LRMDA: variants seen among roughly 807,000 people sequenced by gnomAD.
The protein encoded by LRMDA is leucine-rich melanocyte differentiation-associated protein.
LRMDA carries 18 observed loss-of-function variants against 29.8 expected under a neutral mutation model. The observed-to-expected ratio is 0.60, with a 90% confidence interval of 0.42 to 0.90. LRMDA has a LOEUF of 0.90. Ranked by LOEUF, LRMDA falls within the 40% of genes least tolerant of loss-of-function variation. LRMDA has a pLI of 0.00. For missense variants in LRMDA, 273 were observed against 273.9 expected, an observed-to-expected ratio of 1.00 and a Z score of 0.02; for synonymous variants, 125 against 109.4, an observed-to-expected ratio of 1.14 and a Z score of -0.89.
At position 75,534,076 on chromosome 10, in the gene LRMDA, C is replaced by T. The variant is rs1408211327; in HGVS notation, c.131+95582C>T. The stretch of plus-strand genomic sequence containing the variant: ...TCTTCCTTCTCTTGGCCATTCCTGG[C>T]ATCAACAGGCTCTCTTCATGCTCTC... On this transcript the variant is annotated intron_variant, in intron 2 of 6. Coordinates refer to ENST00000611255, the MANE Select transcript of LRMDA (RefSeq NM_001305581.2). Among the ~76,000 whole-genome samples, 3 of 152,184 alleles carry T rather than the reference C, an allele frequency of 2.0e-5. 1 individual carries two copies. The highest frequency in any genetic ancestry group is 4.1e-4 in the South Asian group (2 of 4,824).
chr10:76,521,196 C>T (rs192903382), intron 6 of LRMDA, among the ~76,000 whole-genome samples: 2 of 149,620 alleles, frequency 1.3e-5, no homozygotes. Flanking sequence ...TGCCGTGGCG[C>T]GATCTCGGCT....
intron 5 of LRMDA, among the ~76,000 whole-genome samples, chr10:76,247,884 G>C (rs1034599254): frequency 6.6e-6 from 1 of 152,150 alleles, no homozygotes; most frequent in South Asian, 2.1e-4. Context: ...GCAGACAAAA[G>C]TCATCCCAGC....
intron 2 of LRMDA, among the ~76,000 whole-genome samples, chr10:75,672,361 C>T (rs557150393): frequency 2.0e-4 from 30 of 151,712 alleles, no homozygotes; most frequent in African/African-American, 6.0e-4. Context: ...ACAATAATGA[C>T]TCAAATATTA....
intron 2 of LRMDA, among the ~76,000 whole-genome samples, chr10:75,544,658 T>C (rs959249267): frequency 6.6e-6 from 1 of 152,180 alleles, no homozygotes; most frequent in African/African-American, 2.4e-5. Flanking sequence ...GTAATGTTAT[T>C]CTTTTTTTGT....
At chr10:75,646,463 C>T (rs1043359885) in intron 2 of LRMDA, among the ~76,000 whole-genome samples, 4 of 152,170 alleles carry the variant, frequency 2.6e-5, no homozygotes, top group South Asian at 2.1e-4. Flanking sequence ...TCATATGAAA[C>T]GTCAAAATTC....
intron 2 of LRMDA, among the ~76,000 whole-genome samples, chr10:75,938,400 A>G (rs914566756): frequency 6.6e-5 from 10 of 152,292 alleles, no homozygotes; most frequent in African/African-American, 2.4e-4. Flanking sequence ...AAGTTTTTCT[A>G]ATTTAACAGG....
intron 2 of LRMDA, among the ~76,000 whole-genome samples, chr10:75,822,999 C>G (rs974107440): frequency 6.6e-6 from 1 of 152,116 alleles, no homozygotes; most frequent in African/African-American, 2.4e-5. Flanking sequence ...GGATTAAAGA[C>G]CTCAAACTAC....
At chr10:75,564,397 T>G (rs1342728210) in intron 2 of LRMDA, among the ~76,000 whole-genome samples, 1 of 152,216 alleles carries the variant, frequency 6.6e-6, no homozygotes, top group Non-Finnish European at 1.5e-5. Flanking sequence ...AAGCGCAGTA[T>G]TAGGGTGGGA....
chr10:75,593,636 C>T (rs1340522235), intron 2 of LRMDA, among the ~76,000 whole-genome samples: 16 of 152,270 alleles, frequency 1.1e-4, no homozygotes, highest in African/African-American at 3.9e-4. Flanking sequence ...AAAGAATTTG[C>T]ACAGGCTTCA....
intron 5 of LRMDA, among the ~76,000 whole-genome samples, chr10:76,111,978 T>C (rs928252609): frequency 6.6e-6 from 1 of 152,234 alleles, no homozygotes; most frequent in Non-Finnish European, 1.5e-5. Context: ...AAACCCAGTA[T>C]GGCTACATTT....
intron 6 of LRMDA, among the ~76,000 whole-genome samples, chr10:76,498,256 C>T (rs1436151724): frequency 1.3e-5 from 1 of 75,494 alleles, no homozygotes; most frequent in African/African-American, 3.2e-5. Context: ...TCATTACCAG[C>T]ATTAGCAAGC....
intron 6 of LRMDA, among the ~76,000 whole-genome samples, chr10:76,449,158 G>A (rs181361331): frequency 3.0e-4 from 46 of 151,684 alleles, no homozygotes; most frequent in Non-Finnish European, 6.1e-4. Context: ...AGGGTATAAG[G>A]AAATATATGT....
chr10:76,297,117 C>T (rs1298431174), intron 5 of LRMDA, among the ~76,000 whole-genome samples: 1 of 152,198 alleles, frequency 6.6e-6, no homozygotes, highest in Non-Finnish European at 1.5e-5. Flanking sequence ...TACCTTCTGC[C>T]TGTTCTCATG....
At chr10:76,452,796 A>ACTTGTATATT (rs1842419408) in intron 6 of LRMDA, among the ~76,000 whole-genome samples, 1 of 152,244 alleles carries the variant, frequency 6.6e-6, no homozygotes, top group South Asian at 2.1e-4. Flanking sequence ...TCACTCATAC[A>ACTTGTATATT]CTTGTATATT....
chr10:76,406,497 A>G (rs1034253012), intron 6 of LRMDA, among the ~76,000 whole-genome samples: 1 of 152,218 alleles, frequency 6.6e-6, no homozygotes. Flanking sequence ...TTGAGCCTCT[A>G]TGTTCTAAAG....
chr10:75,764,183 G>T (rs1222715916), intron 2 of LRMDA, among the ~76,000 whole-genome samples: 3 of 151,976 alleles, frequency 2.0e-5, no homozygotes, highest in Non-Finnish European at 4.4e-5. Flanking sequence ...CCTGCTCCAG[G>T]CTTCTCCCCG....
chr10:76,451,659 T>G (rs909555291), intron 6 of LRMDA, among the ~76,000 whole-genome samples: 1 of 151,272 alleles, frequency 6.6e-6, no homozygotes, highest in East Asian at 1.9e-4. Context: ...TTTTTTTTTT[T>G]TGTGGAGGAG....
At chr10:75,753,702 C>T (rs894860397) in intron 2 of LRMDA, among the ~76,000 whole-genome samples, 7 of 152,142 alleles carry the variant, frequency 4.6e-5, no homozygotes, top group African/African-American at 1.7e-4. Context: ...ACCAGTGAAG[C>T]CCAGATGAGT....
chr10:75,610,304 A>G (rs1033270320), intron 2 of LRMDA, among the ~76,000 whole-genome samples: 14 of 152,058 alleles, frequency 9.2e-5, no homozygotes, highest in Non-Finnish European at 2.1e-4. Context: ...CCTCATTAAT[A>G]CTCATGTAGA....
Sources: allele counts gnomAD v4.1 joint callset (sites outside exome capture counted in the v4.1 genomes callset), GRCh38; gene constraint gnomAD v4.1.1; transcripts MANE v1.5; gene names NCBI Gene and HGNC (gene_info 2026-07-23, HGNC 2026-07-21).